The following OCM2 variants were observed in gnomAD, a reference collection of about 807,000 sequenced individuals.
OCM2 encodes oncomodulin-2.
OCM2 carries 6 observed loss-of-function variants against 13.6 expected under a neutral mutation model. The observed-to-expected ratio is 0.44, with a 90% CI of 0.24 to 0.87. The LOEUF (loss-of-function observed/expected upper bound fraction) is 0.87. OCM2 is among the 40% of genes least tolerant of loss of function. The pLI, the probability that OCM2 is intolerant of heterozygous loss-of-function variation, is 0.22. For synonymous variants in OCM2, 40 were observed against 50.7 expected (o/e 0.79, Z 0.90); for missense variants, 118 against 136.8 (o/e 0.86, Z 0.68).
chr7:97,989,677 G>T lies in OCM2; in HGVS notation c.61+367C>A, dbSNP rs556084172. ...CTCACCTTGGCCTCCGAAAAGTGTTGGGATTACGGATGTGAGCCACCATGC... is the reference window on the plus strand; with the variant it reads ...CTCACCTTGGCCTCCGAAAAGTGTTTGGATTACGGATGTGAGCCACCATGC... On this transcript the variant is annotated intron_variant, in intron 1 of 3. Coordinates refer to ENST00000257627, the Ensembl canonical transcript of OCM2. 4.8e-3 allele frequency among the ~76,000 whole-genome samples: 722 copies of T among 150,968 alleles called. 3 individuals carry two copies. The highest frequency in any genetic ancestry group is 0.034 in the South Asian group (162 of 4,746).
intron 2 of OCM2, 141 bp downstream of exon 2, chr7:97,988,275 T>C (rs1489689072): frequency 2.0e-6 from 2 of 994,010 alleles, no homozygotes; most frequent in African/African-American, 1.6e-5. Context: ...AACTGACTCA[T>C]GTCCTTTGCT....
intron 1 of OCM2, among the ~76,000 whole-genome samples, chr7:97,989,278 A>G (rs1794705918): frequency 6.6e-6 from 1 of 152,064 alleles, no homozygotes; most frequent in Non-Finnish European, 1.5e-5. Context: ...TTTGTCTTAC[A>G]GAAGTGTAAT....
chr7:97,985,049 C>T (rs1014937852), intron 3 of OCM2, 66 bp from the exon 4 acceptor site: 1 of 1,609,740 alleles, frequency 6.2e-7, no homozygotes, highest in African/African-American at 1.3e-5. Context: ...CATGCCGTGG[C>T]CAGTGAGAAT....
In OCM2 at chr7:97,989,957, C is replaced by T. The variant is rs1427495598; in HGVS notation, c.61+87G>A. On this transcript the variant is annotated intron_variant, in intron 1 of 3. Transcript: ENST00000257627. Reference sequence around the variant, plus strand: ...ACAGGCGTGAGCCACTGCGTCTGGCCGCCTGGCCTACATTTTGATTTTGTG... The same window carrying T: ...ACAGGCGTGAGCCACTGCGTCTGGCTGCCTGGCCTACATTTTGATTTTGTG... 33 of 1,403,006 alleles carry T rather than the reference C, an allele frequency of 2.4e-5. No homozygotes were observed. In the East Asian group the frequency reaches 3.0e-4, roughly 13 times the overall value. 86.9% of individuals were successfully genotyped at this position (1,403,006 alleles called of 1,614,324 possible). A position where few individuals can be genotyped will look rare whatever the true frequency, so the allele number is the denominator to read the frequency against.
chr7:97,986,834 C>A (rs1794676884), intron 3 of OCM2, among the ~76,000 whole-genome samples: 1 of 152,092 alleles, frequency 6.6e-6, no homozygotes, highest in South Asian at 2.1e-4. Flanking sequence ...CCAGTGTGAC[C>A]AGCTTCTATA....
chr7:97,985,549 G>T (rs572377383), intron 3 of OCM2, among the ~76,000 whole-genome samples: 171 of 152,160 alleles, frequency 1.1e-3, no homozygotes, highest in African/African-American at 3.6e-3. Context: ...CTTCAGCTTT[G>T]CAATAGAGGT....
At chr7:97,988,216 T>C (rs112830011) in intron 2 of OCM2, among the ~76,000 whole-genome samples, 200 bp downstream of exon 2, 14,375 of 151,620 alleles carry the variant, frequency 0.095, 743 homozygotes, top group South Asian at 0.14. Context: ...TTTGCACCTG[T>C]AGTCTTCACT....
chr7:97,984,811 C>T (rs1794654108), exon 4 of OCM2: 6 of 1,192,748 alleles, frequency 5.0e-6, no homozygotes, highest in African/African-American at 3.1e-5. Context: ...CTCGTGACCT[C>T]GCTAAAACAA....
intron 2 of OCM2, among the ~76,000 whole-genome samples, chr7:97,987,577 T>C (rs1239619967): frequency 6.6e-6 from 1 of 152,148 alleles, no homozygotes. Flanking sequence ...CTTGAAATCC[T>C]GGGCTCACTC....
intron 1 of OCM2, 25 bp downstream of exon 1, chr7:97,990,019 C>CGTGGG: frequency 8.8e-7 from 1 of 1,130,650 alleles, no homozygotes; most frequent in Non-Finnish European, 1.3e-6. Context: ...GAGGAAATCC[C>CGTGGG]ACCCCCGCCC....
exon 4 of OCM2, chr7:97,984,745 G>C: frequency 7.1e-6 from 4 of 561,610 alleles, no homozygotes. Flanking sequence ...GGGAAGGGGG[G>C]CTTACAGAAG....
chr7:97,988,935 T>TTCTTTCTTTC (rs1554366927), intron 1 of OCM2, among the ~76,000 whole-genome samples: 3 of 141,172 alleles, frequency 2.1e-5, no homozygotes, highest in African/African-American at 5.5e-5. Context: ...CTTTCTTTCT[T>TTCTTTCTTTC]TTTTTTTTTT....
Position 97,986,994 on chromosome 7 carries a change from A to T in OCM2, c.304+53T>A, listed in dbSNP as rs1794678450. 9 of 1,608,638 alleles carry T rather than the reference A, an allele frequency of 5.6e-6. 1 individual carries two copies. The highest frequency in any genetic ancestry group is 1.7e-4 in the Middle Eastern group (1 of 6,042). On this transcript the variant is annotated intron_variant, in intron 3 of 3. Transcript: ENST00000257627. ...GTTTGATCTCACAGCCCAACCCCTC[A>T]CGGATGCTTCCTGAGCTAGAGTGTT... is the stretch of plus-strand genomic sequence containing the variant.
rs1449929502 is a variant in OCM2 at position 97,989,468 on chromosome 7, T to G, written c.61+576A>C. On this transcript the variant is annotated intron_variant, in intron 1 of 3. Transcript: ENST00000257627. ...AGGCTGGAGTGCAGTGTAGCGATCA[T>G]AGCTCACCACAGCCTCAACCTCCTG... Among the ~76,000 whole-genome samples the G allele has an allele frequency of 2.0e-5, 3 of 151,830 alleles. No individual in the cohort carries two copies. The South Asian group carries it at 6.2e-4, about 32-fold the overall frequency.
intron 3 of OCM2, among the ~76,000 whole-genome samples, chr7:97,985,418 C>CAAAAAAA (rs60506626): frequency 6.8e-4 from 61 of 89,684 alleles, no homozygotes; most frequent in African/African-American, 2.5e-3. Flanking sequence ...GACTCCATCT[C>CAAAAAAA]AAAAAAAAAA....
rs574480866 is a variant in OCM2 at position 97,989,019 on chromosome 7, C to A, written c.62-471G>T. On this transcript the variant is annotated intron_variant, in intron 1 of 3. Transcript: ENST00000257627. ...GATCTCGGCTCACTGCAACCTCTGC[C>A]TCCCAGGTTCAACTGATTCTCCTGC... Among the ~76,000 whole-genome samples, 201 of 151,650 alleles carry A rather than the reference C, an allele frequency of 1.3e-3. 1 individual carries two copies. Among genetic ancestry groups the A allele is most frequent in the Non-Finnish European group, 2.4e-3 (161 of 67,902 alleles).
At chr7:97,989,753 G>C (rs1282055313) in intron 1 of OCM2, among the ~76,000 whole-genome samples, 1 of 151,138 alleles carries the variant, frequency 6.6e-6, no homozygotes, top group African/African-American at 2.4e-5. Context: ...AAAAAGGCCG[G>C]GTTCAAGCAA....
At chr7:97,990,016 T>TCGCACCCC in intron 1 of OCM2, 28 bp downstream of exon 1, 1 of 1,083,840 alleles carries the variant, frequency 9.2e-7, no homozygotes, top group Non-Finnish European at 1.4e-6. Context: ...TGTGAGGAAA[T>TCGCACCCC]CCCACCCCCG....
Position 97,990,191 on chromosome 7 carries a change from C to A in OCM2, c.-87G>T. 4 of 1,236,944 alleles carry A rather than the reference C, an allele frequency of 3.2e-6. No individual in the cohort carries two copies. In the South Asian group the frequency reaches 5.0e-5, roughly 15 times the overall value. 76.6% of individuals were successfully genotyped at this position (1,236,944 alleles called of 1,614,324 possible). ...CCAGGGGAAACACATCTTCCCAGGC[C>A]CACTGAAACTGTATGTGTGTCTAGA... On this transcript the variant is annotated 5_prime_UTR_variant, in exon 1 of 4. Transcript: ENST00000257627.
Sources: gnomAD v4.1 joint callset for allele counts (sites outside exome capture counted in the v4.1 genomes callset) on GRCh38, gnomAD v4.1.1 for gene constraint, MANE v1.5 for transcripts, NCBI Gene and HGNC (gene_info 2026-07-23, HGNC 2026-07-21) for gene names.